The following TSPAN18 variants were observed in gnomAD, a reference collection of about 807,000 sequenced individuals.
The protein encoded by TSPAN18 is tetraspanin 18.
In TSPAN18, 14 loss-of-function variants were observed where a neutral mutation model predicts 27.3. The observed-to-expected ratio is 0.51, with a 90% confidence interval of 0.34 to 0.80. The LOEUF is 0.80. Among genes scored for constraint, TSPAN18 ranks in the 30% least tolerant of loss-of-function variants. TSPAN18 has a pLI of 0.01. For missense variants in TSPAN18, 268 were observed against 323.9 expected, an observed-to-expected ratio of 0.83 and a Z score of 1.32; for synonymous variants, 143 against 136.5, an observed-to-expected ratio of 1.05 and a Z score of -0.33.
At chr11:44,849,227 G>A (rs1216965399) in intron 2 of TSPAN18, among the ~76,000 whole-genome samples, 1 of 152,136 alleles carries the variant, frequency 6.6e-6, no homozygotes, top group Non-Finnish European at 1.5e-5. Flanking sequence ...TGAGTCCCGT[G>A]CCAGGAGGGA....
intron 2 of TSPAN18, among the ~76,000 whole-genome samples, chr11:44,840,134 G>C (rs1174564229): frequency 6.6e-6 from 1 of 152,218 alleles, no homozygotes; most frequent in Non-Finnish European, 1.5e-5. Context: ...AGGGAACCTT[G>C]AGCAATGTTG....
At chr11:44,789,551 C>T (rs1233647285) in intron 2 of TSPAN18, among the ~76,000 whole-genome samples, 13 of 152,098 alleles carry the variant, frequency 8.5e-5, no homozygotes, top group Admixed American at 8.5e-4. Context: ...CTGGCTTTGG[C>T]AAGTAACAAA....
At position 44,881,780 on chromosome 11, in the gene TSPAN18, G is replaced by A. The variant is rs190426093; in HGVS notation, c.-11+21311G>A. ...ACCAGGGCCAACCGTTCTTGACCCT[G>A]TCCTCATTGTCTCCAGTTGCAGGCA... On this transcript the variant is annotated intron_variant, in intron 3 of 9. Transcript: ENST00000520358. Among the ~76,000 whole-genome samples the A allele has an allele frequency of 2.6e-5, 4 of 152,270 alleles. No individual in the cohort carries two copies. The East Asian group carries it at 7.7e-4, about 29-fold the overall frequency.
In TSPAN18 at chr11:44,926,839, C is replaced by T; in HGVS notation, c.699+82C>T. On this transcript the variant is annotated intron_variant, in intron 9 of 9. Transcript: ENST00000520358. ...AGGCAGATCCCCCCAGCCTCCTTTC[C>T]TCTTCATTTCCTTCACCTGGGACCC... The T allele has an allele frequency of 2.0e-6, 3 of 1,491,112 alleles. No homozygotes were observed. In the South Asian group the frequency reaches 3.4e-5, roughly 17 times the overall value. 92.4% of individuals were successfully genotyped at this position (1,491,112 alleles called of 1,614,324 possible). A position where few individuals can be genotyped will look rare whatever the true frequency, so the allele number is the denominator to read the frequency against.
intron 3 of TSPAN18, among the ~76,000 whole-genome samples, chr11:44,861,993 C>T (rs1470245141): frequency 6.6e-6 from 1 of 152,138 alleles, no homozygotes; most frequent in African/African-American, 2.4e-5. Context: ...CTCCACTCGC[C>T]GGGAAGGCCT....
chr11:44,773,639 C>T (rs958669976), intron 2 of TSPAN18, among the ~76,000 whole-genome samples: 3 of 152,158 alleles, frequency 2.0e-5, no homozygotes, highest in Non-Finnish European at 4.4e-5. Flanking sequence ...TCCACTGCCC[C>T]GCTCTTGGCA....
At chr11:44,927,895 C>A (rs559041158) in intron 9 of TSPAN18, among the ~76,000 whole-genome samples, 1 of 152,198 alleles carries the variant, frequency 6.6e-6, no homozygotes, top group Admixed American at 6.5e-5. Context: ...ACGGGGACAG[C>A]ATGCTACTGG....
At chr11:44,885,825 T>A (rs1191208183) in intron 3 of TSPAN18, 1 of 152,226 alleles carries the variant, frequency 6.6e-6, no homozygotes, top group Non-Finnish European at 1.5e-5. Context: ...CTGTAGTCAT[T>A]CCTCTTATGG....
chr11:44,887,846 C>G (rs897974249), intron 3 of TSPAN18, among the ~76,000 whole-genome samples: 13 of 152,178 alleles, frequency 8.5e-5, no homozygotes, highest in Admixed American at 7.8e-4. Context: ...GTGCCCTTTC[C>G]CTCCTAGTTC....
intron 2 of TSPAN18, among the ~76,000 whole-genome samples, chr11:44,810,705 G>A (rs545136678): frequency 3.3e-5 from 5 of 151,356 alleles, no homozygotes; most frequent in African/African-American, 1.2e-4. Flanking sequence ...TCCTGGGCTG[G>A]AGCCATCCTC....
At chr11:44,912,805 G>A (rs1218482189) in intron 5 of TSPAN18, among the ~76,000 whole-genome samples, 1 of 149,820 alleles carries the variant, frequency 6.7e-6, no homozygotes, top group Non-Finnish European at 1.5e-5. Context: ...ATGCATGGGT[G>A]TTATACGTGC....
chr11:44,795,035 C>T (rs1483078462), intron 2 of TSPAN18, among the ~76,000 whole-genome samples: 1 of 151,922 alleles, frequency 6.6e-6, no homozygotes, highest in Non-Finnish European at 1.5e-5. Flanking sequence ...TGTCCAAGAC[C>T]ACCTCAAAGA....
At chr11:44,770,546 G>T (rs1232267789) in intron 2 of TSPAN18, among the ~76,000 whole-genome samples, 1 of 152,214 alleles carries the variant, frequency 6.6e-6, no homozygotes, top group Non-Finnish European at 1.5e-5. Context: ...GGCCCAGCCT[G>T]CACAGTGCTG....
rs1485175335 is a variant in TSPAN18, at chr11:44,727,162, A to C, written c.-365A>C. ...GCCGCCTCGCGCTGCGGGTCCCCGGACGCGCCGCCACCGCCGGGAAGGCAG... is the reference window on the plus strand; with the variant it reads ...GCCGCCTCGCGCTGCGGGTCCCCGGCCGCGCCGCCACCGCCGGGAAGGCAG... On this transcript the variant is annotated 5_prime_UTR_variant, in exon 1 of 10. Coordinates refer to ENST00000520358, the MANE Select transcript of TSPAN18 (RefSeq NM_130783.5). The C allele has an allele frequency of 6.7e-6, 1 of 149,280 alleles. No individual in the cohort carries two copies. The highest frequency in any genetic ancestry group is 2.4e-5 in the African/African-American group (1 of 40,850). The allele number at this position is 149,280 out of a possible 1,614,324, so 9.2% of individuals were successfully genotyped here.
In TSPAN18 at chr11:44,783,721, C is replaced by G. The variant is rs1670313; in HGVS notation, c.-153+19209C>G. ...CTCCCAAGACTATTTCTGAGGACTT[C>G]CTTATGCCAGGCGCTTGCCTGACCC... On this transcript the variant is annotated intron_variant, in intron 2 of 9. Transcript: ENST00000520358. Among the ~76,000 whole-genome samples, 1,344 of 152,248 alleles carry G rather than the reference C, an allele frequency of 8.8e-3. 16 individuals carry two copies. The highest frequency in any genetic ancestry group is 0.029 in the African/African-American group (1,221 of 41,540).
intron 2 of TSPAN18, among the ~76,000 whole-genome samples, chr11:44,836,953 G>C (rs1311308829): frequency 6.6e-6 from 1 of 152,170 alleles, no homozygotes; most frequent in Admixed American, 6.5e-5. Context: ...AGTGCACGTG[G>C]TCATCCAAGA....
intron 2 of TSPAN18, among the ~76,000 whole-genome samples, chr11:44,837,973 C>T (rs1857296540): frequency 1.3e-5 from 2 of 152,136 alleles, no homozygotes; most frequent in Admixed American, 1.3e-4. Context: ...TGAGCTAGAA[C>T]TGAACCTGAA....
Position 44,804,108 on chromosome 11 carries a change from T to C in TSPAN18, c.-153+39596T>C, listed in dbSNP as rs1040306202. Among the ~76,000 whole-genome samples the C allele has an allele frequency of 3.2e-4, 48 of 152,286 alleles. No individual in the cohort carries two copies. The East Asian group carries it at 3.7e-3, about 12-fold the overall frequency. On this transcript the variant is annotated intron_variant, in intron 2 of 9. Coordinates refer to ENST00000520358, the MANE Select transcript of TSPAN18 (RefSeq NM_130783.5). The stretch of plus-strand genomic sequence containing the variant: ...ATGGTAAATTTCTTTTTTTTCTTTT[T>C]TTTTTCCCCCCAGAGACAGAGTCTC...
intron 2 of TSPAN18, among the ~76,000 whole-genome samples, chr11:44,816,418 G>C (rs371964017): frequency 3.3e-5 from 5 of 152,196 alleles, no homozygotes; most frequent in African/African-American, 1.2e-4. Context: ...CATCAGAATC[G>C]AGTGCTATGT....
Sources: allele counts gnomAD v4.1 joint callset (sites outside exome capture counted in the v4.1 genomes callset), GRCh38; gene constraint gnomAD v4.1.1; transcripts MANE v1.5; gene names NCBI Gene and HGNC (gene_info 2026-07-23, HGNC 2026-07-21).